FANCA: variants seen among roughly 807,000 people sequenced by gnomAD.
The protein encoded by FANCA is FA complementation group A.
FANCA carries 236 observed loss-of-function variants against 194.3 expected under a neutral mutation model. The ratio of observed to expected loss-of-function variants is 1.21; its 90% CI spans 1.09 to 1.35. The LOEUF (loss-of-function observed/expected upper bound fraction) is 1.35, where lower values mean the gene tolerates loss of function less well. Ranked by LOEUF, FANCA falls within the 40% of genes most tolerant of loss-of-function variation. The pLI, the probability that FANCA is intolerant of heterozygous loss-of-function variation, is 0.00. For synonymous variants in FANCA, 1,014 were observed against 715.8 expected (o/e 1.42, Z -6.65); for missense variants, 2,628 against 1,813.9 (o/e 1.45, Z -8.15).
chr16:89,791,089 C>A, intron 14 of FANCA: 1 of 243,798 alleles, frequency 4.1e-6, no homozygotes, highest in Admixed American at 6.1e-5. Context: ...GGCTTGATTT[C>A]GCTAATTTTC....
At chr16:89,749,597 A>G in intron 32 of FANCA, 133 bp downstream of exon 32, 1 of 1,144,802 alleles carries the variant, frequency 8.7e-7, no homozygotes, top group Non-Finnish European at 1.3e-6. Flanking sequence ...ACAGAAATGG[A>G]CAGGCTTGGG....
chr16:89,805,162 G>A (rs2040591885), intron 7 of FANCA, 118 bp downstream of exon 7: 1 of 778,238 alleles, frequency 1.3e-6, no homozygotes, highest in Admixed American at 2.0e-5. Context: ...GTCATGCCAG[G>A]TTCCCACGGC....
At chr16:89,748,507 T>A in intron 33 of FANCA, 152 bp downstream of exon 33, 1 of 727,360 alleles carries the variant, frequency 1.4e-6, no homozygotes, top group Non-Finnish European at 2.4e-6. Context: ...GGGTCCTCCC[T>A]CACATGGCAT....
At chr16:89,781,482 G>T (rs1366533394) in intron 17 of FANCA, among the ~76,000 whole-genome samples, 2 of 150,382 alleles carry the variant, frequency 1.3e-5, no homozygotes, top group Non-Finnish European at 2.9e-5. Flanking sequence ...GACCATCCTG[G>T]ATAACATGGT....
chr16:89,752,540 TA>T (rs2038632276), intron 30 of FANCA, among the ~76,000 whole-genome samples: 1 of 152,216 alleles, frequency 6.6e-6, no homozygotes, highest in Non-Finnish European at 1.5e-5. Context: ...CAAGAATAGT[TA>T]TACCAGATAT....
rs1217316233 is a variant in FANCA, at chr16:89,810,962, G to A, written c.393C>T (p.Thr131=). The A allele has an allele frequency of 3.7e-6, 6 of 1,613,932 alleles. No homozygotes were observed. Among genetic ancestry groups the A allele is most frequent in the East Asian group, 4.5e-5 (2 of 44,904 alleles). Residue 131 remains threonine, a synonymous_variant, in exon 4 of 43, where the codon ACC becomes ACT. Transcript: ENST00000389301. The part of the protein sequence containing the change: ...VGQICTAPAE[T]SHPVLLTVEQ... Reference sequence around the variant, plus strand: ...CCACAGTCAGCAGCACAGGGTGACTGGTCTCCGCTGGAGCCGTGCAGATCT... The same window carrying A: ...CCACAGTCAGCAGCACAGGGTGACTAGTCTCCGCTGGAGCCGTGCAGATCT...
In FANCA at chr16:89,791,915, G is replaced by A. The variant is rs200672872; in HGVS notation, c.1225+12C>T. On this transcript the variant is annotated intron_variant, in intron 13 of 42. Coordinates refer to ENST00000389301, the MANE Select transcript of FANCA (RefSeq NM_000135.4). ...TCTTGACCAGCACCACCGGGCTCGC[G>A]TAAAAGCTCACCTTCAAGCAGCTGC... The A allele has an allele frequency of 2.6e-4, 412 of 1,614,070 alleles. No homozygotes were observed. Among genetic ancestry groups the A allele is most frequent in the African/African-American group, 6.7e-4 (50 of 75,014 alleles).
Position 89,808,420 on chromosome 16 carries a change from T to C in FANCA, c.523-53A>G, listed in dbSNP as rs34875544. ...ACAAAAACAAAAAAACCCCCAGCAT[T>C]CTGAGTCCTTTATGAATGCATTTTC... On this transcript the variant is annotated intron_variant, in intron 5 of 42. Coordinates refer to ENST00000389301, the MANE Select transcript of FANCA (RefSeq NM_000135.4). The C allele has an allele frequency of 3.3e-4, 522 of 1,564,722 alleles. 2 individuals are homozygous for C. The African/African-American group carries it at 5.7e-3, about 17-fold the overall frequency.
At chr16:89,761,660 C>T (rs111938129) in intron 29 of FANCA, among the ~76,000 whole-genome samples, 11 of 152,194 alleles carry the variant, frequency 7.2e-5, no homozygotes, top group African/African-American at 2.4e-4. Context: ...GGTCTCACTC[C>T]GTTGCACAGG....
At chr16:89,796,642 G>A (rs540810311) in intron 10 of FANCA, among the ~76,000 whole-genome samples, 1 of 152,316 alleles carries the variant, frequency 6.6e-6, no homozygotes, top group South Asian at 2.1e-4. Flanking sequence ...GGCCTATACA[G>A]ACCACCAAAC....
chr16:89,738,243 C>T lies in FANCA; in HGVS notation c.*358G>A, dbSNP rs1378007772. 9 of 1,598,826 alleles carry T rather than the reference C, an allele frequency of 5.6e-6. No individual in the cohort carries two copies. In the South Asian group the frequency reaches 9.0e-5, roughly 16 times the overall value. ...GCCAGGCGGTGAAGCCCGAACCCAC[C>T]TGAGGACGGCAGTGAGGATGAGCAC... On this transcript the variant is annotated 3_prime_UTR_variant, in exon 43 of 43. Coordinates refer to ENST00000389301, the MANE Select transcript of FANCA (RefSeq NM_000135.4).
intron 37 of FANCA, among the ~76,000 whole-genome samples, chr16:89,741,504 C>T (rs1317163437): frequency 6.6e-6 from 1 of 152,226 alleles, no homozygotes; most frequent in Non-Finnish European, 1.5e-5. Flanking sequence ...GCTGCTGCCT[C>T]CAGCTCTCTT....
At chr16:89,792,788 G>C in intron 11 of FANCA, 1 of 452,506 alleles carries the variant, frequency 2.2e-6, no homozygotes, top group Non-Finnish European at 4.2e-6. Flanking sequence ...TTATTTATTG[G>C]ATACAAAGCA....
chr16:89,753,746 C>T (rs1008105564), intron 30 of FANCA, among the ~76,000 whole-genome samples: 6 of 152,094 alleles, frequency 3.9e-5, no homozygotes, highest in South Asian at 4.1e-4. Flanking sequence ...AGAACAGTGT[C>T]GCTGCCTCTA....
At chr16:89,788,727 G>A (rs1450295230) in intron 14 of FANCA, among the ~76,000 whole-genome samples, 1 of 151,820 alleles carries the variant, frequency 6.6e-6, no homozygotes, top group Non-Finnish European at 1.5e-5. Flanking sequence ...TTGACCCCAG[G>A]AGGTAAAGGC....
intron 31 of FANCA, among the ~76,000 whole-genome samples, chr16:89,750,482 C>CAAAAAAAAA (rs745845600): frequency 9.1e-5 from 10 of 109,992 alleles, no homozygotes; most frequent in East Asian, 3.6e-4. Flanking sequence ...GACTCCGTCT[C>CAAAAAAAAA]AAAAAAAAAC....
intron 21 of FANCA, among the ~76,000 whole-genome samples, chr16:89,774,584 G>T (rs899626955): frequency 6.6e-6 from 1 of 151,818 alleles, no homozygotes; most frequent in South Asian, 2.1e-4. Context: ...CAAAAAATTA[G>T]CCGGGTGTGG....
Position 89,748,694 on chromosome 16 carries a change from A to G in FANCA, c.3313T>C (p.Cys1105Arg), listed in dbSNP as rs905768140. ...TTGACCAAGTGGAAGAACTGCTCGCATCTGGCAGTGATGGGCTGTTCTGCC... is the reference window on the plus strand; with the variant it reads ...TTGACCAAGTGGAAGAACTGCTCGCGTCTGGCAGTGATGGGCTGTTCTGCC... ...FQAEQPITARCEQFFHLVNSE... is the reference protein window; with the variant it reads ...FQAEQPITARREQFFHLVNSE... The change falls in exon 33 of 43, where the codon TGC becomes CGC. Residue 1105 changes from cysteine to arginine, a missense_variant. Transcript: ENST00000389301. The G allele has an allele frequency of 6.2e-7, 1 of 1,614,026 alleles. No individual in the cohort carries two copies. The highest frequency in any genetic ancestry group is 1.3e-5 in the African/African-American group (1 of 74,934).
In FANCA at chr16:89,773,355, T is replaced by A. The variant is rs1293899212; in HGVS notation, c.1930A>T (p.Asn644Tyr). 3 of 1,551,444 alleles carry A rather than the reference T, an allele frequency of 1.9e-6. No homozygotes were observed. Among genetic ancestry groups the A allele is most frequent in the Non-Finnish European group, 2.6e-6 (3 of 1,146,954 alleles). The change falls in exon 22 of 43, where the codon AAC becomes TAC. Residue 644 changes from asparagine (N) to tyrosine (Y), a missense_variant. By Grantham distance (143) the Asn-to-Tyr change is moderately radical. Transcript: ENST00000389301. ...TGTCCCAGGGGCTCCTCAGCAGAGT[T>A]GGGTTCTGCCCTCACTCCCAGGGCT... Reference protein sequence around the residue: ...DAALGVRAEPNSAEEPLGQLT... With the variant: ...DAALGVRAEPYSAEEPLGQLT...
Sources: allele counts gnomAD v4.1 joint callset (sites outside exome capture counted in the v4.1 genomes callset), GRCh38; gene constraint gnomAD v4.1.1; transcripts MANE v1.5; gene names NCBI Gene and HGNC (gene_info 2026-07-23, HGNC 2026-07-21).